RECQL5: variants seen among roughly 807,000 people sequenced by gnomAD.
The protein encoded by RECQL5 is RecQ like helicase 5.
Under a neutral mutation model 103.4 loss-of-function variants are expected in RECQL5, and 88 were observed. The observed-to-expected ratio is 0.85, with a 90% CI of 0.72 to 1.02. The LOEUF (loss-of-function observed/expected upper bound fraction) is 1.02, where lower values mean the gene tolerates loss of function less well. RECQL5 is among the 50% of genes least tolerant of loss of function. RECQL5 has a pLI of 0.00. For synonymous variants in RECQL5, 552 were observed against 507.9 expected, an observed-to-expected ratio of 1.09 and a Z score of -1.17; for missense variants, 1,232 against 1,284.3, an observed-to-expected ratio of 0.96 and a Z score of 0.62.
intron 5 of RECQL5, 70 bp from the exon 6 acceptor site, chr17:75,661,136 T>C: frequency 8.4e-7 from 1 of 1,195,988 alleles, no homozygotes; most frequent in Admixed American, 1.7e-5. Flanking sequence ...CTATTTTGGG[T>C]TTGACACTGT....
In RECQL5 at chr17:75,630,287, C is replaced by T; in HGVS notation, c.1719-10G>A. The T allele has an allele frequency of 5.2e-6, 8 of 1,548,040 alleles. No homozygotes were observed. The highest frequency in any genetic ancestry group is 7.0e-6 in the Non-Finnish European group (8 of 1,145,518). ...GGCCCGGAGGTCAGCTCTGTGGGTG[C>T]AAGGTAACAGGCACAAGGTATCAGG... On this transcript the variant is annotated splice_polypyrimidine_tract_variant and intron_variant, in intron 13 of 19. Transcript: ENST00000317905.
rs769889805 is a variant in RECQL5 at position 75,631,569 on chromosome 17, C to T, written c.1329G>A (p.Arg443=). ...HCQNPTAVRR[R]LEALERSSSW... ...TGCTGCTGCGCTCCAAGGCCTCCAG[C>T]CGCCTCCGCACGGCCGTGGGGTTCT... Residue 443 remains arginine, a synonymous_variant, in exon 9 of 20, where the codon CGG becomes CGA. Coordinates refer to ENST00000317905, the MANE Select transcript of RECQL5 (RefSeq NM_004259.7). The T allele has an allele frequency of 8.7e-6, 14 of 1,612,940 alleles. No homozygotes were observed. Among genetic ancestry groups the T allele is most frequent in the Non-Finnish European group, 1.2e-5 (14 of 1,179,950 alleles).
rs2059318272 is a variant in RECQL5 at position 75,636,174 on chromosome 17, G to A, written c.1230-4506C>T. ...TTAAGGCCAGAGGGAGCCACCACTTGCTCTGGCAGCCACTCAGGAACCCCT... is the reference window on the plus strand; with the variant it reads ...TTAAGGCCAGAGGGAGCCACCACTTACTCTGGCAGCCACTCAGGAACCCCT... On this transcript the variant is annotated intron_variant, in intron 8 of 19. Coordinates refer to ENST00000317905, the MANE Select transcript of RECQL5 (RefSeq NM_004259.7). The surrounding 1 kb of genome is among the most constrained non-coding windows in gnomAD (Gnocchi z 5.4). 6.6e-6 allele frequency among the ~76,000 whole-genome samples: 1 copy of A among 152,170 alleles called. No homozygotes were observed. Among genetic ancestry groups the A allele is most frequent in the Non-Finnish European group, 1.5e-5 (1 of 68,024 alleles).
At chr17:75,656,674 C>G (rs1472779353) in intron 7 of RECQL5, among the ~76,000 whole-genome samples, 1 of 151,064 alleles carries the variant, frequency 6.6e-6, no homozygotes, top group Non-Finnish European at 1.5e-5. Context: ...GTTGTCATTT[C>G]TACCTGCTGT....
Position 75,628,355 on chromosome 17 carries a change from T to C in RECQL5, c.2668A>G (p.Ser890Gly). ...VAEVKGSVSA[S>G]EQGTLNPTAQ... ...GTGGGATTCAAGGTGCCCTGTTCGC[T>C]GGCCGAGACGCTGCCCTTGACCTCA... The change falls in exon 18 of 20, where the codon AGC (serine) becomes GGC (glycine). Residue 890 changes from serine to glycine, a missense_variant. By Grantham distance (56) the Ser-to-Gly change is moderately conservative (BLOSUM62 0). Transcript: ENST00000317905. 6.2e-7 allele frequency: 1 copy of C among 1,614,088 alleles called. No individual in the cohort carries two copies. The highest frequency in any genetic ancestry group is 8.5e-7 in the Non-Finnish European group (1 of 1,180,032).
intron 8 of RECQL5, chr17:75,647,916 C>T: frequency 4.4e-6 from 1 of 225,722 alleles, no homozygotes; most frequent in Non-Finnish European, 9.4e-6. Flanking sequence ...AGCAATTTCA[C>T]AAATCCTTGA....
chr17:75,630,660 C>T lies in RECQL5; in HGVS notation c.1677G>A (p.Glu559=). 1 of 1,613,458 alleles carries T rather than the reference C, an allele frequency of 6.2e-7. No individual in the cohort carries two copies. The highest frequency in any genetic ancestry group is 1.1e-5 in the South Asian group (1 of 91,090). The change falls in exon 13 of 20, where the codon GAG becomes GAA. Residue 559 remains glutamate (E), a synonymous_variant. Transcript: ENST00000317905. ...AREHCLRLLE[E]ALSSNRQSTR... ...TTGACTGGCGGTTGCTGCTCAGCGCCTCCTCCAGAAGCCGCAGGCAGTGCT... is the reference window on the plus strand; with the variant it reads ...TTGACTGGCGGTTGCTGCTCAGCGCTTCCTCCAGAAGCCGCAGGCAGTGCT...
At chr17:75,632,588 A>T (rs1245137767) in intron 8 of RECQL5, among the ~76,000 whole-genome samples, 3 of 152,082 alleles carry the variant, frequency 2.0e-5, no homozygotes, top group Non-Finnish European at 2.9e-5. Context: ...CTCTGTCTCA[A>T]CCCTGCTGCA....
chr17:75,628,084 G>A, intron 18 of RECQL5, 134 bp downstream of exon 18: 1 of 760,624 alleles, frequency 1.3e-6, no homozygotes. Context: ...CGGCAAGGCA[G>A]GCCCCAGGGA....
intron 17 of RECQL5, 99 bp from the exon 18 acceptor site, chr17:75,628,541 C>T: frequency 2.6e-6 from 4 of 1,518,746 alleles, no homozygotes; most frequent in Non-Finnish European, 3.6e-6. Context: ...TGCCTCTCTC[C>T]AGCCCAGCCC....
intron 8 of RECQL5, chr17:75,650,680 G>C (rs774232804): frequency 2.5e-6 from 4 of 1,614,072 alleles, no homozygotes; most frequent in Middle Eastern, 3.3e-4. Flanking sequence ...ACTACACCAA[G>C]CAGCCCTCAG....
At chr17:75,634,896 C>A (rs761108046) in intron 8 of RECQL5, among the ~76,000 whole-genome samples, 1 of 152,202 alleles carries the variant, frequency 6.6e-6, no homozygotes, top group Non-Finnish European at 1.5e-5. Context: ...CGCTGGCAAC[C>A]GGGACCTCTG....
At chr17:75,660,743 G>T (rs185841684) in intron 6 of RECQL5, among the ~76,000 whole-genome samples, 279 of 152,350 alleles carry the variant, frequency 1.8e-3, no homozygotes, top group Admixed American at 7.3e-3. Context: ...CCCCATCCTG[G>T]GGGGTGCCAG....
At chr17:75,632,397 AT>A (rs1362849025) in intron 8 of RECQL5, among the ~76,000 whole-genome samples, 2 of 152,120 alleles carry the variant, frequency 1.3e-5, no homozygotes, top group Non-Finnish European at 2.9e-5. Context: ...TTGCTGTTTG[AT>A]TTCCCTAAGT....
At chr17:75,650,202 T>C (rs2059537489) in intron 8 of RECQL5, 2 of 988,688 alleles carry the variant, frequency 2.0e-6, no homozygotes, top group African/African-American at 1.7e-5. Flanking sequence ...CAGGCAAGGG[T>C]GGTCCTGGCA....
intron 8 of RECQL5, among the ~76,000 whole-genome samples, chr17:75,644,268 G>A (rs1395680383): frequency 3.3e-5 from 5 of 152,104 alleles, no homozygotes; most frequent in Admixed American, 1.3e-4. Context: ...TCACGCCACC[G>A]CACTCCAGCC....
chr17:75,662,305 C>T (rs2059710126), intron 4 of RECQL5, among the ~76,000 whole-genome samples, 174 bp downstream of exon 4: 1 of 152,188 alleles, frequency 6.6e-6, no homozygotes, highest in South Asian at 2.1e-4. Context: ...ACAAGGAAAC[C>T]CTGGTAAGGA....
Position 75,630,830 on chromosome 17 carries a change from GT to G in RECQL5, c.1592del (p.Asn531ThrfsTer4). The G allele has an allele frequency of 8.3e-7, 1 of 1,198,686 alleles. No individual in the cohort carries two copies. Among genetic ancestry groups the G allele is most frequent in the Non-Finnish European group, 1.1e-6 (1 of 903,748 alleles). 74.3% of individuals were successfully genotyped at this position (1,198,686 alleles called of 1,614,324 possible). A position where few individuals can be genotyped will look rare whatever the true frequency, so the allele number is the denominator to read the frequency against. ...TGCTAGAAGCCTCTTTCAGGGGACA[GT>G]TCTCATCTGTGGGGGGGGGGGGTGG... ...KIEEFVPPDE[N>X]CPLKEASSRR... On this transcript the variant is annotated frameshift_variant, in exon 12 of 20. Transcript: ENST00000317905. LOFTEE classifies it high-confidence loss of function.
intron 7 of RECQL5, among the ~76,000 whole-genome samples, chr17:75,653,118 A>G (rs942933323): frequency 1.3e-5 from 2 of 152,138 alleles, no homozygotes; most frequent in African/African-American, 4.8e-5. Flanking sequence ...ATCCGCAGAC[A>G]CTCATCAGCC....
Sources: gnomAD v4.1 joint callset for allele counts (sites outside exome capture counted in the v4.1 genomes callset) on GRCh38, gnomAD v4.1.1 for gene constraint, Gnocchi (gnomAD v3.1) non-coding constraint, MANE v1.5 for transcripts, NCBI Gene and HGNC (gene_info 2026-07-23, HGNC 2026-07-21) for gene names.